Variants in SOX5 observed in about 807,000 individuals in gnomAD.
SOX5 encodes SRY-box transcription factor 5, also known as transcription factor SOX-5.
In SOX5, 9 loss-of-function variants were observed where a neutral mutation model predicts 92.0. That is an observed-to-expected ratio of 0.10 (90% confidence interval 0.06 to 0.17). The LOEUF (loss-of-function observed/expected upper bound fraction) is 0.17. Ranked by LOEUF, SOX5 falls within the 10% of genes least tolerant of loss-of-function variation. The pLI is 1.00. For missense variants in SOX5, 642 were observed against 944.5 expected (o/e 0.68, Z 4.20); for synonymous variants, 344 against 336.3 (o/e 1.02, Z -0.25).
At chr12:24,408,859 C>A (rs556111649) in intron 1 of SOX5, among the ~76,000 whole-genome samples, 1 of 152,276 alleles carries the variant, frequency 6.6e-6, no homozygotes, top group South Asian at 2.1e-4. Context: ...GAAATAGGAA[C>A]GCTTTTACAC....
intron 1 of SOX5, among the ~76,000 whole-genome samples, chr12:24,401,498 C>G (rs1378773180): frequency 6.6e-6 from 1 of 151,624 alleles, no homozygotes; most frequent in Non-Finnish European, 1.5e-5. Context: ...TCACTCGAGG[C>G]CAGGAGTTTG....
chr12:23,569,174 A>G (rs1947696691), intron 10 of SOX5, among the ~76,000 whole-genome samples: 1 of 152,212 alleles, frequency 6.6e-6, no homozygotes, highest in South Asian at 2.1e-4. Flanking sequence ...CTTGGGTGAC[A>G]AAGCAAGACT....
chr12:24,077,724 G>T (rs903901952), intron 4 of SOX5, among the ~76,000 whole-genome samples: 8 of 146,912 alleles, frequency 5.4e-5, no homozygotes, highest in Non-Finnish European at 1.0e-4. Flanking sequence ...GCAATTAAAA[G>T]AAATTACTAA....
At chr12:23,795,468 C>G (rs1403063064) in intron 3 of SOX5, among the ~76,000 whole-genome samples, 1 of 152,048 alleles carries the variant, frequency 6.6e-6, no homozygotes, top group African/African-American at 2.4e-5. Context: ...CTTTGGATTT[C>G]CTTTTAACAG....
intron 4 of SOX5, among the ~76,000 whole-genome samples, chr12:24,140,075 T>C (rs555400749): frequency 6.6e-6 from 1 of 152,192 alleles, no homozygotes; most frequent in Non-Finnish European, 1.5e-5. Context: ...TTCACCCTGG[T>C]TGCGAAAACA....
chr12:24,494,986 T>C lies in SOX5; in HGVS notation c.-251+67343A>G, dbSNP rs17284722. 9.9e-3 allele frequency among the ~76,000 whole-genome samples: 1,501 copies of C among 152,334 alleles called. 18 individuals are homozygous for C. The highest frequency in any genetic ancestry group is 0.016 in the Non-Finnish European group (1,074 of 68,030). ...TTAAAAAGGTAATTTTTTTCTCTGA[T>C]ACCATGATAGCATGGCAATTTGGAG... On this transcript the variant is annotated intron_variant, in intron 1 of 4. Transcript: ENST00000446891.
chr12:23,949,783 T>TCC, upstream of SOX5: 1 of 567,626 alleles, frequency 1.8e-6, no homozygotes, highest in Admixed American at 4.1e-5. Context: ...TCTCTCTCTC[T>TCC]CTCTCTCTCT....
At chr12:23,922,078 C>T (rs1172468000) in intron 1 of SOX5, among the ~76,000 whole-genome samples, 5 of 152,282 alleles carry the variant, frequency 3.3e-5, no homozygotes, top group African/African-American at 1.2e-4. Flanking sequence ...CCCCCCTGGG[C>T]TCCCACTTTT....
At chr12:23,599,584 G>A (rs1214394556) in intron 9 of SOX5, among the ~76,000 whole-genome samples, 10 of 152,144 alleles carry the variant, frequency 6.6e-5, no homozygotes, top group Admixed American at 3.9e-4. Context: ...GTAAGTTTCC[G>A]TCAAACACCA....
chr12:24,171,767 GC>G (rs1361322032), intron 4 of SOX5, among the ~76,000 whole-genome samples: 2 of 152,052 alleles, frequency 1.3e-5, no homozygotes, highest in Non-Finnish European at 2.9e-5. Context: ...GGAGATTGAG[GC>G]AGGAGGATTG....
In SOX5 at chr12:23,619,781, C is replaced by T. The variant is rs1466021322; in HGVS notation, c.1018-15248G>A. ...AAAACCGCTTCAGTGTGGTTTTCTTCTCAATTTGATATGTATTTTAACCAT... is the reference window on the plus strand; with the variant it reads ...AAAACCGCTTCAGTGTGGTTTTCTTTTCAATTTGATATGTATTTTAACCAT... On this transcript the variant is annotated intron_variant, in intron 8 of 14. Transcript: ENST00000451604. Among the ~76,000 whole-genome samples the T allele has an allele frequency of 1.1e-4, 16 of 152,230 alleles. No individual in the cohort carries two copies. The East Asian group carries it at 3.1e-3, about 29-fold the overall frequency.
chr12:23,973,493 G>A (rs1948584580), intron 4 of SOX5, among the ~76,000 whole-genome samples: 1 of 152,018 alleles, frequency 6.6e-6, no homozygotes, highest in African/African-American at 2.4e-5. Context: ...GCGGTTAGGG[G>A]GAAGCCACTG....
chr12:23,687,216 T>C (rs1202255429), intron 6 of SOX5, among the ~76,000 whole-genome samples: 2 of 152,040 alleles, frequency 1.3e-5, no homozygotes, highest in Non-Finnish European at 2.9e-5. Context: ...GCAAAACTTG[T>C]ATTTTCAAGG....
intron 2 of SOX5, among the ~76,000 whole-genome samples, chr12:24,293,992 A>G (rs1342903714): frequency 6.6e-6 from 1 of 152,232 alleles, no homozygotes; most frequent in Non-Finnish European, 1.5e-5. Flanking sequence ...GTAAAGCACC[A>G]TTTATAACAT....
intron 4 of SOX5, among the ~76,000 whole-genome samples, chr12:24,143,433 C>G (rs953958167): frequency 3.3e-5 from 5 of 152,106 alleles, no homozygotes; most frequent in African/African-American, 4.8e-5. Context: ...TAACAGCTGT[C>G]TAACCATATT....
At chr12:24,348,311 C>A (rs189170038) in intron 2 of SOX5, among the ~76,000 whole-genome samples, 1 of 152,086 alleles carries the variant, frequency 6.6e-6, no homozygotes, top group African/African-American at 2.4e-5. Flanking sequence ...CCAGACCCCG[C>A]CTACCTTGCT....
At chr12:24,063,281 T>C (rs1472299755) in intron 4 of SOX5, among the ~76,000 whole-genome samples, 1 of 152,224 alleles carries the variant, frequency 6.6e-6, no homozygotes, top group African/African-American at 2.4e-5. Flanking sequence ...ATTTTATAAC[T>C]AGTGGCTTTC....
intron 4 of SOX5, among the ~76,000 whole-genome samples, chr12:24,043,940 T>C (rs1001893726): frequency 3.3e-5 from 5 of 152,156 alleles, no homozygotes; most frequent in African/African-American, 9.7e-5. Context: ...CAACAAAGCA[T>C]GTACCCACTT....
rs1569530498 is a variant in SOX5, at chr12:24,065,662, A to AAAAAG, written c.-2+147676_-2+147680dup. ...CTCCATCTCAAAAAAAAAAAAAAAA[A>AAAAAG]AAAAGAAAAGAAAAAAGAAAAAGAA... On this transcript the variant is annotated intron_variant, in intron 4 of 4. Transcript: ENST00000446891. 1.2e-3 allele frequency among the ~76,000 whole-genome samples: 146 copies of AAAAAG among 120,486 alleles called. 2 individuals are homozygous for AAAAAG. The highest frequency in any genetic ancestry group is 8.8e-3 in the Middle Eastern group (2 of 228). The allele number at this position is 120,486 out of a possible 152,430, so 79.0% of individuals were successfully genotyped here. A position where few individuals can be genotyped will look rare whatever the true frequency, so the allele number is the denominator to read the frequency against.
Sources: gnomAD v4.1 joint callset for allele counts (sites outside exome capture counted in the v4.1 genomes callset) on GRCh38, gnomAD v4.1.1 for gene constraint, MANE v1.5 for transcripts, NCBI Gene and HGNC (gene_info 2026-07-23, HGNC 2026-07-21) for gene names.